Variants in PTPRD observed in about 807,000 individuals in gnomAD.
PTPRD encodes the protein receptor-type tyrosine-protein phosphatase delta.
PTPRD carries 34 observed loss-of-function variants against 214.5 expected under a neutral mutation model. That is an observed-to-expected ratio of 0.16 (90% CI 0.12 to 0.21). The LOEUF (loss-of-function observed/expected upper bound fraction) is 0.21. PTPRD is among the 10% of genes least tolerant of loss of function. The pLI is 1.00. For synonymous variants in PTPRD, 1,128 were observed against 845.7 expected (o/e 1.33, Z -5.79); for missense variants, 2,545 against 2,398.7 (o/e 1.06, Z -1.27).
intron 3 of PTPRD, among the ~76,000 whole-genome samples, chr9:10,308,272 T>C (rs989190479): frequency 6.6e-6 from 1 of 152,084 alleles, no homozygotes; most frequent in Admixed American, 6.6e-5. Flanking sequence ...GCTTCATTAT[T>C]CTGCATATGG....
At chr9:8,870,706 A>ACACACC in intron 11 of PTPRD, among the ~76,000 whole-genome samples, 1 of 150,530 alleles carries the variant, frequency 6.6e-6, no homozygotes, top group Non-Finnish European at 1.5e-5. Flanking sequence ...ACACACACAC[A>ACACACC]CACACACACA....
intron 3 of PTPRD, among the ~76,000 whole-genome samples, chr9:10,102,592 G>T (rs957568434): frequency 6.6e-6 from 1 of 151,278 alleles, no homozygotes; most frequent in Non-Finnish European, 1.5e-5. Flanking sequence ...ACATTCATAA[G>T]ATTCTAATCA....
intron 32 of PTPRD, among the ~76,000 whole-genome samples, chr9:8,463,685 C>A (rs575565697): frequency 6.6e-6 from 1 of 151,832 alleles, no homozygotes; most frequent in Non-Finnish European, 1.5e-5. Context: ...TTGTGCGTGG[C>A]AATAAGAGAT....
At chr9:8,619,337 C>A (rs954299840) in intron 14 of PTPRD, among the ~76,000 whole-genome samples, 4 of 151,904 alleles carry the variant, frequency 2.6e-5, no homozygotes, top group African/African-American at 7.2e-5. Context: ...TGACCACCAT[C>A]TCCCCAACCC....
intron 2 of PTPRD, among the ~76,000 whole-genome samples, chr9:10,569,194 A>G (rs1432770582): frequency 1.3e-5 from 2 of 152,200 alleles, no homozygotes; most frequent in Non-Finnish European, 2.9e-5. Flanking sequence ...TGGCCATCAG[A>G]GAAATGCAAA....
chr9:9,100,620 A>ACAAAT (rs1569541735), intron 10 of PTPRD, among the ~76,000 whole-genome samples: 1 of 152,152 alleles, frequency 6.6e-6, no homozygotes, highest in Admixed American at 6.5e-5. Context: ...ACAAAACAAA[A>ACAAAT]ATTTAATGAC....
chr9:9,826,127 T>C (rs2052739918), intron 5 of PTPRD, among the ~76,000 whole-genome samples: 2 of 151,828 alleles, frequency 1.3e-5, no homozygotes, highest in Admixed American at 6.6e-5. Context: ...TCTTTAATAT[T>C]TATTAATTTG....
At chr9:9,981,615 C>T (rs12376027) in intron 4 of PTPRD, among the ~76,000 whole-genome samples, 19 of 152,152 alleles carry the variant, frequency 1.2e-4, no homozygotes, top group Non-Finnish European at 2.2e-4. Flanking sequence ...CTGCCTCGGC[C>T]TCCCAAAGTG....
intron 3 of PTPRD, among the ~76,000 whole-genome samples, chr9:10,311,865 T>TTTCA (rs1565214607): frequency 1.3e-5 from 2 of 152,004 alleles, no homozygotes; most frequent in Non-Finnish European, 2.9e-5. Flanking sequence ...CAGGTGAGCT[T>TTTCA]GGTGTGAGAT....
intron 9 of PTPRD, among the ~76,000 whole-genome samples, chr9:9,302,735 T>C (rs7848905): frequency 0.12 from 18,305 of 151,602 alleles, 1,382 homozygotes; most frequent in Non-Finnish European, 0.17. Flanking sequence ...ACCTTTTTCC[T>C]TTGAAGCCAT....
In PTPRD at chr9:8,315,627, T is replaced by C. The variant is rs1212000236; in HGVS notation, c.*2247A>G. 1 of 228,202 alleles carries C rather than the reference T, an allele frequency of 4.4e-6. No individual in the cohort carries two copies. The highest frequency in any genetic ancestry group is 8.7e-6 in the Non-Finnish European group (1 of 114,714). 14.1% of individuals were successfully genotyped at this position (228,202 alleles called of 1,614,324 possible). A position where few individuals can be genotyped will look rare whatever the true frequency, so the allele number is the denominator to read the frequency against. On this transcript the variant is annotated 3_prime_UTR_variant, in exon 46 of 46. Transcript: ENST00000381196. ...AGGTAGCCTTCTAGATACTTTTTTT[T>C]AGTATTATATATATTTTCTTTTTTT...
At chr9:8,363,787 A>T (rs1167637147) in intron 39 of PTPRD, among the ~76,000 whole-genome samples, 1 of 152,124 alleles carries the variant, frequency 6.6e-6, no homozygotes, top group Non-Finnish European at 1.5e-5. Context: ...ACCCCCAGCT[A>T]TGTTTTGTAT....
chr9:8,807,013 T>C (rs1219605252), intron 11 of PTPRD, among the ~76,000 whole-genome samples: 2 of 152,184 alleles, frequency 1.3e-5, no homozygotes, highest in Non-Finnish European at 2.9e-5. Context: ...AAAATATTTA[T>C]GTTAAGAGAA....
chr9:10,598,794 T>A (rs1054238847), intron 2 of PTPRD, among the ~76,000 whole-genome samples: 1 of 151,000 alleles, frequency 6.6e-6, no homozygotes, highest in African/African-American at 2.4e-5. Context: ...TAACAAAATA[T>A]CTGAATCACC....
At chr9:9,954,490 G>C (rs1490549960) in intron 4 of PTPRD, among the ~76,000 whole-genome samples, 1 of 151,394 alleles carries the variant, frequency 6.6e-6, no homozygotes, top group East Asian at 1.9e-4. Context: ...CTATTAATAA[G>C]AACATTACTT....
intron 33 of PTPRD, among the ~76,000 whole-genome samples, chr9:8,452,144 C>T (rs576329424): frequency 6.6e-6 from 1 of 152,340 alleles, no homozygotes; most frequent in South Asian, 2.1e-4. Context: ...ACTAACTTCT[C>T]TTTCACTGTT....
intron 2 of PTPRD, among the ~76,000 whole-genome samples, chr9:10,572,989 T>C (rs985397639): frequency 1.3e-5 from 2 of 152,144 alleles, no homozygotes; most frequent in African/African-American, 2.4e-5. Context: ...AGGTACTGTA[T>C]AGAAGAACCA....
chr9:9,530,405 CT>C (rs1454622529), intron 8 of PTPRD, among the ~76,000 whole-genome samples: 2 of 152,056 alleles, frequency 1.3e-5, no homozygotes, highest in African/African-American at 4.8e-5. Context: ...GGATAAATTC[CT>C]GGACACATAC....
chr9:8,743,387 A>G (rs1175648790), intron 11 of PTPRD, among the ~76,000 whole-genome samples: 1 of 152,208 alleles, frequency 6.6e-6, no homozygotes, highest in East Asian at 1.9e-4. Flanking sequence ...GTCAGTGAAT[A>G]GATATGGTTC....
Sources: allele counts gnomAD v4.1 joint callset (sites outside exome capture counted in the v4.1 genomes callset), GRCh38; gene constraint gnomAD v4.1.1; transcripts MANE v1.5; gene names NCBI Gene and HGNC (gene_info 2026-07-23, HGNC 2026-07-21).